Variants in ERMP1 observed in about 807,000 individuals in gnomAD.
ERMP1 encodes the protein endoplasmic reticulum metallopeptidase 1, also known as Felix-ina.
ERMP1 carries 86 observed loss-of-function variants against 92.0 expected under a neutral mutation model. The observed-to-expected ratio is 0.93, with a 90% CI of 0.79 to 1.12. ERMP1 has a LOEUF of 1.12. ERMP1 is among the 50% of genes most tolerant of loss of function. The pLI is 0.00. For synonymous variants in ERMP1, 530 were observed against 412.8 expected (o/e 1.28, Z -3.44); for missense variants, 1,342 against 1,116.3 (o/e 1.20, Z -2.88).
upstream of ERMP1, chr9:5,833,171 G>T: frequency 1.4e-6 from 1 of 740,208 alleles, no homozygotes. Context: ...GGCCCGTCCC[G>T]CCGCGCCAAG....
chr9:5,820,796 C>G (rs757186858), intron 4 of ERMP1, among the ~76,000 whole-genome samples: 1 of 152,200 alleles, frequency 6.6e-6, no homozygotes, highest in Non-Finnish European at 1.5e-5. Context: ...CAACTCCAAA[C>G]CCAGGAGGGC....
chr9:5,850,117 C>G (rs372735500), intron 6 of ERMP1, among the ~76,000 whole-genome samples: 19 of 152,128 alleles, frequency 1.2e-4, no homozygotes, highest in East Asian at 3.8e-4. Context: ...AGGTCTCCCC[C>G]CCTTTACACT....
rs1829121115 is a variant in ERMP1, at chr9:5,812,145, G to C, written c.1094C>G (p.Thr365Arg). Residue 365 changes from threonine (T) to arginine (R), a missense_variant, in exon 6 of 15, where the codon ACA (threonine) becomes AGA (arginine). Thr to Arg is a moderately conservative substitution (Grantham distance 71, BLOSUM62 -1). Coordinates refer to ENST00000339450, the MANE Select transcript of ERMP1 (RefSeq NM_024896.3). ...CCAACCTGCTCTCTGAATGGAATCT[G>C]TTAGAATTCTGTCCGCTGTGTCATA... ...TKYDTADRIL[T>R]DSIQRAGDNI... 6.2e-7 allele frequency: 1 copy of C among 1,607,828 alleles called. No individual in the cohort carries two copies. Among genetic ancestry groups the C allele is most frequent in the African/African-American group, 1.3e-5 (1 of 74,592 alleles).
chr9:5,803,503 T>C (rs547464117), intron 10 of ERMP1, among the ~76,000 whole-genome samples: 1 of 152,292 alleles, frequency 6.6e-6, no homozygotes, highest in East Asian at 1.9e-4. Flanking sequence ...ATATTATCAG[T>C]GGAACAGAAT....
chr9:5,790,070 T>G (rs937815130), intron 13 of ERMP1, among the ~76,000 whole-genome samples: 1 of 151,926 alleles, frequency 6.6e-6, no homozygotes, highest in African/African-American at 2.4e-5. Flanking sequence ...AAATGTTACA[T>G]GTTGTAATAA....
chr9:5,791,149 A>T lies in ERMP1; in HGVS notation c.2387-3556T>A, dbSNP rs183362379. ...TGAACTTCCTATATTAGCATTCTCC[A>T]GGGAAACCAACAGGATGTGTACAGA... On this transcript the variant is annotated intron_variant, in intron 13 of 14. Coordinates refer to ENST00000339450, the MANE Select transcript of ERMP1 (RefSeq NM_024896.3). 3.3e-5 allele frequency: 15 copies of T among 449,788 alleles called. No individual in the cohort carries two copies. In the East Asian group the frequency reaches 8.4e-4, roughly 25 times the overall value. 27.9% of individuals were successfully genotyped at this position (449,788 alleles called of 1,614,324 possible).
intron 4 of ERMP1, among the ~76,000 whole-genome samples, chr9:5,818,262 G>C (rs538318237): frequency 6.6e-6 from 1 of 152,206 alleles, no homozygotes; most frequent in South Asian, 2.1e-4. Context: ...AGCAGGTTGT[G>C]ATAAAAGTGG....
chr9:5,801,174 A>C lies in ERMP1; in HGVS notation c.2067+2T>G. The C allele has an allele frequency of 1.2e-6, 2 of 1,608,572 alleles. No individual in the cohort carries two copies. Among genetic ancestry groups the C allele is most frequent in the Non-Finnish European group, 1.7e-6 (2 of 1,178,192 alleles). On this transcript the variant is annotated splice_donor_variant, in intron 11 of 14. Transcript: ENST00000339450. LOFTEE classifies it high-confidence loss of function. ...TCAAATACCTCATGCAAAACTGCTC[A>C]CCTGAAGAAACACTCTCTTTGGCTT...
intron 9 of ERMP1, 128 bp from the exon 10 acceptor site, chr9:5,805,345 GT>G (rs1828830116): frequency 1.4e-6 from 1 of 730,572 alleles, no homozygotes. Context: ...CCTTAAGGGT[GT>G]ATGTTATCTT....
At position 5,832,841 on chromosome 9, in the gene ERMP1, C is replaced by T. The variant is rs1233438350; in HGVS notation, c.187G>A (p.Gly63Ser). 1.3e-6 allele frequency: 2 copies of T among 1,503,782 alleles called. No homozygotes were observed. Among genetic ancestry groups the T allele is most frequent in the Middle Eastern group, 2.0e-4 (1 of 5,102 alleles). 93.2% of individuals were successfully genotyped at this position (1,503,782 alleles called of 1,614,324 possible). ...SPGGSGGASR[G>S]AGTGLSEVRA... ...ACCTCAGACAGCCCGGTCCCCGCGC[C>T]CCTGCTCGCGCCGCCGCTACCCCCG... Residue 63 changes from glycine to serine, a missense_variant, in exon 1 of 15, where the codon GGC becomes AGC. Transcript: ENST00000339450.
At chr9:5,790,864 G>C (rs1282913816) in intron 13 of ERMP1, among the ~76,000 whole-genome samples, 1 of 152,192 alleles carries the variant, frequency 6.6e-6, no homozygotes. Context: ...ATTGAGCTTT[G>C]TGGGGTGATG....
At chr9:5,808,245 C>A (rs1828943884) in intron 8 of ERMP1, among the ~76,000 whole-genome samples, 1 of 152,220 alleles carries the variant, frequency 6.6e-6, no homozygotes, top group Admixed American at 6.5e-5. Flanking sequence ...GATCAGACAA[C>A]TGAAATTAGT....
chr9:5,816,026 C>G (rs1393025404), intron 4 of ERMP1, among the ~76,000 whole-genome samples: 1 of 152,030 alleles, frequency 6.6e-6, no homozygotes, highest in African/African-American at 2.4e-5. Flanking sequence ...CATTAATTAT[C>G]TTAAAACTTA....
At position 5,814,726 on chromosome 9, in the gene ERMP1, T is replaced by C. The variant is rs113985792; in HGVS notation, c.875-1691A>G. Among the ~76,000 whole-genome samples the C allele has an allele frequency of 2.4e-3, 369 of 151,996 alleles. 1 individual carries two copies. The highest frequency in any genetic ancestry group is 8.3e-3 in the African/African-American group (343 of 41,468). ...GCCTGGGTGACAGAGTGAGACTCCATCTGAAAAAATAAAAATTAAAAATTA... is the reference window on the plus strand; with the variant it reads ...GCCTGGGTGACAGAGTGAGACTCCACCTGAAAAAATAAAAATTAAAAATTA... On this transcript the variant is annotated intron_variant, in intron 4 of 14. Coordinates refer to ENST00000339450, the MANE Select transcript of ERMP1 (RefSeq NM_024896.3).
intron 5 of ERMP1, among the ~76,000 whole-genome samples, 164 bp from the exon 6 acceptor site, chr9:5,812,381 TAC>T (rs1386087532): frequency 1.3e-5 from 2 of 152,226 alleles, no homozygotes; most frequent in African/African-American, 2.4e-5. Context: ...TCCAAATTCT[TAC>T]ACAGTCTATA....
chr9:5,836,906 AG>A (rs1830101433), upstream of ERMP1, among the ~76,000 whole-genome samples: 1 of 152,070 alleles, frequency 6.6e-6, no homozygotes, highest in Non-Finnish European at 1.5e-5. Flanking sequence ...GCCTAGGGAG[AG>A]GGTAATTGCA....
chr9:5,843,913 G>A (rs1189094691), intron 6 of ERMP1, among the ~76,000 whole-genome samples: 1 of 152,136 alleles, frequency 6.6e-6, no homozygotes, highest in African/African-American at 2.4e-5. Flanking sequence ...GTCCTGGGGG[G>A]AGGAAGGATG....
chr9:5,792,697 T>C (rs968542245), intron 13 of ERMP1, among the ~76,000 whole-genome samples: 1 of 152,178 alleles, frequency 6.6e-6, no homozygotes, highest in African/African-American at 2.4e-5. Context: ...GTCAACTTGA[T>C]AGAATCCCAG....
rs549266427 is a variant in ERMP1, at chr9:5,804,970, C to G, written c.1914+57G>C. 13 of 1,357,402 alleles carry G rather than the reference C, an allele frequency of 9.6e-6. No individual in the cohort carries two copies. The Admixed American group carries it at 2.6e-4, about 27-fold the overall frequency. 84.1% of individuals were successfully genotyped at this position (1,357,402 alleles called of 1,614,324 possible). On this transcript the variant is annotated intron_variant, in intron 10 of 14. Transcript: ENST00000339450. ...CACTATTTCACAGAATCTAGTATGGCTAAATTCATATTCATATAAAAAATG... is the reference window on the plus strand; with the variant it reads ...CACTATTTCACAGAATCTAGTATGGGTAAATTCATATTCATATAAAAAATG...
Sources: gnomAD v4.1 joint callset for allele counts (sites outside exome capture counted in the v4.1 genomes callset) on GRCh38, gnomAD v4.1.1 for gene constraint, MANE v1.5 for transcripts, NCBI Gene and HGNC (gene_info 2026-07-23, HGNC 2026-07-21) for gene names.